Variants in PPA2 observed in about 807,000 individuals in gnomAD.
The protein encoded by PPA2 is inorganic pyrophosphatase 2, mitochondrial.
In PPA2, 48 loss-of-function variants were observed where a neutral mutation model predicts 49.5. The observed-to-expected ratio is 0.97, with a 90% CI of 0.77 to 1.23. PPA2 has a LOEUF of 1.23. Among genes scored for constraint, PPA2 ranks in the 50% most tolerant of loss-of-function variants. The pLI is 0.00. For synonymous variants in PPA2, 131 were observed against 139.9 expected (o/e 0.94, Z 0.45); for missense variants, 429 against 410.1 (o/e 1.05, Z -0.40).
At chr4:105,403,595 A>T (rs1722324607) in intron 7 of PPA2, among the ~76,000 whole-genome samples, 1 of 152,196 alleles carries the variant, frequency 6.6e-6, no homozygotes, top group Non-Finnish European at 1.5e-5. Flanking sequence ...ATAATGAAGC[A>T]ATATAACAGA....
Position 105,424,263 on chromosome 4 carries a change from A to G in PPA2, c.588T>C (p.Asp196=), listed in dbSNP as rs1424722307. 1 of 1,608,036 alleles carries G rather than the reference A, an allele frequency of 6.2e-7. No individual in the cohort carries two copies. Among genetic ancestry groups the G allele is most frequent in the East Asian group, 2.2e-5 (1 of 44,690 alleles). The change falls in exon 7 of 12, where the codon GAT becomes GAC. Residue 196 remains aspartate (D), a synonymous_variant. Transcript: ENST00000341695. ...TTAATTTCCAATCTGTTTCACCTTC[A>G]TCAATAAGAGCCAAAATTCCAAGGA... ...VKILGILALI[D]EGETDWKLIA... is the part of the protein sequence containing the mutation.
intron 3 of PPA2, among the ~76,000 whole-genome samples, chr4:105,451,538 T>C (rs1038060351): frequency 6.6e-6 from 1 of 152,214 alleles, no homozygotes; most frequent in Non-Finnish European, 1.5e-5. Context: ...TGCACCTGTT[T>C]AAATATGTCT....
At chr4:105,396,398 C>A in intron 8 of PPA2, 64 bp from the exon 9 acceptor site, 2 of 1,093,934 alleles carry the variant, frequency 1.8e-6, no homozygotes, top group Admixed American at 2.4e-5. Context: ...TACACTAACA[C>A]AAAACTAATC....
intron 7 of PPA2, among the ~76,000 whole-genome samples, chr4:105,406,149 A>C (rs923912030): frequency 4.6e-5 from 7 of 151,534 alleles, no homozygotes; most frequent in African/African-American, 7.3e-5. Flanking sequence ...GGAGGATATG[A>C]AATGAAAAAT....
intron 7 of PPA2, among the ~76,000 whole-genome samples, chr4:105,416,457 A>G (rs1330777402): frequency 1.3e-5 from 2 of 152,220 alleles, no homozygotes; most frequent in African/African-American, 4.8e-5. Flanking sequence ...CCACTTTACT[A>G]AAGGAAGTGA....
intron 7 of PPA2, among the ~76,000 whole-genome samples, chr4:105,411,799 GACAA>G (rs1203930256): frequency 5.9e-5 from 9 of 152,070 alleles, no homozygotes; most frequent in Non-Finnish European, 1.3e-4. Context: ...ACCAATAACA[GACAA>G]ACAGAGAGCC....
intron 2 of PPA2, chr4:105,456,139 C>A: frequency 2.5e-6 from 1 of 407,596 alleles, no homozygotes; most frequent in Non-Finnish European, 4.7e-6. Context: ...TATTCAAACA[C>A]CACCATTTTT....
At chr4:105,398,233 T>C (rs1339340112) in intron 8 of PPA2, 1 of 152,000 alleles carries the variant, frequency 6.6e-6, no homozygotes. Context: ...TTCAATCCTT[T>C]AAGATAATTT....
intron 10 of PPA2, among the ~76,000 whole-genome samples, chr4:105,376,802 C>T (rs1262225237): frequency 6.6e-6 from 1 of 152,170 alleles, no homozygotes; most frequent in Admixed American, 6.6e-5. Context: ...TCCTTTAGCA[C>T]TGAATATGGC....
chr4:105,378,456 G>A (rs1733346604), intron 10 of PPA2, among the ~76,000 whole-genome samples: 1 of 152,026 alleles, frequency 6.6e-6, no homozygotes, highest in African/African-American at 2.4e-5. Flanking sequence ...GTTTTCTTGA[G>A]TTGTGAAAGT....
chr4:105,405,852 T>C (rs1269509758), intron 7 of PPA2: 5 of 458,016 alleles, frequency 1.1e-5, no homozygotes, highest in African/African-American at 4.0e-5. Context: ...GGAATCCTGA[T>C]GTGCAGGCAG....
chr4:105,413,080 C>T (rs188686964), intron 7 of PPA2, among the ~76,000 whole-genome samples: 1 of 152,164 alleles, frequency 6.6e-6, no homozygotes, highest in African/African-American at 2.4e-5. Flanking sequence ...TGGAACTAAC[C>T]CAAATGTCCA....
chr4:105,373,978 T>C (rs1294455242), intron 10 of PPA2, among the ~76,000 whole-genome samples: 3 of 152,100 alleles, frequency 2.0e-5, no homozygotes, highest in Non-Finnish European at 2.9e-5. Context: ...TGCTTAAACA[T>C]AACAACAAAT....
chr4:105,408,944 C>T (rs1722611277), intron 7 of PPA2, among the ~76,000 whole-genome samples: 2 of 152,028 alleles, frequency 1.3e-5, no homozygotes, highest in South Asian at 4.2e-4. Context: ...CCAAAATGGC[C>T]AAATAGGAAC....
chr4:105,427,509 C>G (rs1723574208), intron 6 of PPA2, among the ~76,000 whole-genome samples: 1 of 152,034 alleles, frequency 6.6e-6, no homozygotes, highest in Non-Finnish European at 1.5e-5. Context: ...GCTTAAATGA[C>G]CTGATGGAGC....
intron 1 of PPA2, among the ~76,000 whole-genome samples, chr4:105,463,748 T>C (rs956917769): frequency 5.3e-5 from 8 of 151,960 alleles, no homozygotes; most frequent in African/African-American, 1.9e-4. Flanking sequence ...ACAGCTTGGG[T>C]TTTTGCTTCA....
chr4:105,442,034 T>C (rs1724395739), intron 5 of PPA2, among the ~76,000 whole-genome samples: 1 of 151,424 alleles, frequency 6.6e-6, no homozygotes, highest in Admixed American at 6.6e-5. Context: ...AGAGAGGGTT[T>C]CACTCTGCCA....
chr4:105,424,926 G>C (rs948512307), intron 6 of PPA2, among the ~76,000 whole-genome samples: 2 of 152,104 alleles, frequency 1.3e-5, no homozygotes, highest in East Asian at 3.8e-4. Context: ...AAAGAATAAT[G>C]GCCAGAGACC....
chr4:105,465,636 T>A (rs558857333), intron 1 of PPA2, among the ~76,000 whole-genome samples: 1 of 152,222 alleles, frequency 6.6e-6, no homozygotes, highest in African/African-American at 2.4e-5. Context: ...TCACTCCAGA[T>A]TGACAGCTGG....
Sources: gnomAD v4.1 joint callset for allele counts (sites outside exome capture counted in the v4.1 genomes callset) on GRCh38, gnomAD v4.1.1 for gene constraint, MANE v1.5 for transcripts, NCBI Gene and HGNC (gene_info 2026-07-23, HGNC 2026-07-21) for gene names.